RHOA: variants seen among roughly 807,000 people sequenced by gnomAD.
The protein encoded by RHOA is ras homolog family member A.
RHOA carries 3 observed loss-of-function variants against 17.5 expected under a neutral mutation model. The ratio of observed to expected loss-of-function variants is 0.17; its 90% confidence interval spans 0.08 to 0.44. RHOA has a LOEUF of 0.44. Ranked by LOEUF, RHOA falls within the 20% of genes least tolerant of loss-of-function variation. The pLI is 0.99. For synonymous variants in RHOA, 98 were observed against 88.4 expected (o/e 1.11, Z -0.61); for missense variants, 56 against 242.3 (o/e 0.23, Z 5.10).
chr3:49,372,681 C>T (rs1407236046), intron 2 of RHOA, among the ~76,000 whole-genome samples: 1 of 132,820 alleles, frequency 7.5e-6, no homozygotes, highest in African/African-American at 2.9e-5. Context: ...TTGCAGTTAG[C>T]AGAGATCACG....
At chr3:49,389,408 G>C (rs573597360) in intron 1 of RHOA, among the ~76,000 whole-genome samples, 13 of 152,220 alleles carry the variant, frequency 8.5e-5, no homozygotes, top group Admixed American at 6.6e-4. Context: ...CTTAGTTTGG[G>C]GTTCAGCAGC....
chr3:49,400,289 A>G (rs2107898805), intron 1 of RHOA, among the ~76,000 whole-genome samples: 1 of 151,162 alleles, frequency 6.6e-6, no homozygotes, highest in Non-Finnish European at 1.5e-5. Context: ...CCCTAGTCTA[A>G]CCAAAACTGG....
rs56262356 is a variant in RHOA, at chr3:49,387,117, CAAAAAAAAAAAAAAAAAAAAAAAAAAA to C, written c.-2-11553_-2-11527del. ...GGGCAACAAGAGAGAAACTCCGTCT[CAAAAAAAAAAAAAAAAAAAAAAAAAAA>C]AAAAAAAAAAAAAAAACAGGCCGGG... On this transcript the variant is annotated intron_variant, in intron 1 of 4. Coordinates refer to ENST00000418115, the MANE Select transcript of RHOA (RefSeq NM_001664.4). Among the ~76,000 whole-genome samples the C allele has an allele frequency of 5.7e-4, 14 of 24,642 alleles. No homozygotes were observed. In the South Asian group the frequency reaches 0.015, roughly 27 times the overall value. 16.2% of individuals were successfully genotyped at this position (24,642 alleles called of 152,430 possible).
intron 1 of RHOA, among the ~76,000 whole-genome samples, chr3:49,385,640 G>C (rs1050862349): frequency 3.3e-5 from 5 of 151,564 alleles, no homozygotes; most frequent in Non-Finnish European, 5.9e-5. Flanking sequence ...CTGATGGTTT[G>C]GTGGCATATC....
At chr3:49,405,930 C>A (rs530389830) in intron 1 of RHOA, among the ~76,000 whole-genome samples, 1 of 152,134 alleles carries the variant, frequency 6.6e-6, no homozygotes, top group East Asian at 1.9e-4. Flanking sequence ...GGTGACCCAC[C>A]CACCTCGGCC....
intron 1 of RHOA, among the ~76,000 whole-genome samples, chr3:49,381,736 G>A (rs1367916709): frequency 2.7e-5 from 4 of 150,768 alleles, no homozygotes; most frequent in African/African-American, 7.3e-5. Flanking sequence ...ATGGTGGTCC[G>A]CACCTGTAAT....
intron 3 of RHOA, among the ~76,000 whole-genome samples, chr3:49,364,989 A>G (rs2048031492): frequency 6.6e-6 from 1 of 152,124 alleles, no homozygotes. Flanking sequence ...AAAAATAAAA[A>G]TAAATAAAAC....
intron 1 of RHOA, among the ~76,000 whole-genome samples, chr3:49,399,070 A>AAAAAAAC: frequency 7.4e-6 from 1 of 136,006 alleles, no homozygotes; most frequent in Non-Finnish European, 1.6e-5. Context: ...AAAAAAAAAA[A>AAAAAAAC]AAAAAAAAAA....
Position 49,368,420 on chromosome 3 carries a change from C to A in RHOA, c.277+8G>T, listed in dbSNP as rs1484607949. 6.2e-7 allele frequency: 1 copy of A among 1,612,696 alleles called. No individual in the cohort carries two copies. Among genetic ancestry groups the A allele is most frequent in the Non-Finnish European group, 8.5e-7 (1 of 1,179,028 alleles). ...CAGTGACAAATATCAGGGTGCAGGG[C>A]CACTCACCTAAACTATCAGGGCTGT... On this transcript the variant is annotated splice_region_variant and intron_variant, in intron 3 of 4. Transcript: ENST00000418115.
At chr3:49,365,340 TCAC>T (rs1242659506) in intron 3 of RHOA, 1 of 151,828 alleles carries the variant, frequency 6.6e-6, no homozygotes, top group East Asian at 2.0e-4. Flanking sequence ...AGACAGGGAT[TCAC>T]CATGTTGGAC....
At chr3:49,401,811 C>G (rs145924480) in intron 1 of RHOA, among the ~76,000 whole-genome samples, 51 of 152,236 alleles carry the variant, frequency 3.4e-4, no homozygotes, top group African/African-American at 1.0e-3. Context: ...TATCCCAAAT[C>G]CAAAAATTGA....
chr3:49,384,283 A>T (rs1438502966), intron 1 of RHOA, among the ~76,000 whole-genome samples: 5 of 152,154 alleles, frequency 3.3e-5, no homozygotes, highest in African/African-American at 1.2e-4. Context: ...ATTTTGCAGA[A>T]TTATCTCTCC....
chr3:49,399,074 A>AAAAAAAAAAAAAAC (rs2048673364), intron 1 of RHOA, among the ~76,000 whole-genome samples: 1 of 138,852 alleles, frequency 7.2e-6, no homozygotes, highest in Non-Finnish European at 1.6e-5. Flanking sequence ...AAAAAAAAAA[A>AAAAAAAAAAAAAAC]AAAAAAAAAA....
intron 1 of RHOA, among the ~76,000 whole-genome samples, chr3:49,380,974 T>C (rs767223646): frequency 6.6e-6 from 1 of 151,452 alleles, no homozygotes; most frequent in Non-Finnish European, 1.5e-5. Flanking sequence ...TAGAATTTTA[T>C]CCAAATCTAC....
At position 49,393,039 on chromosome 3, in the gene RHOA, T is replaced by C. The variant is rs537630657; in HGVS notation, c.-2-17448A>G. On this transcript the variant is annotated intron_variant, in intron 1 of 4. Transcript: ENST00000418115. Reference sequence around the variant, plus strand: ...TAAAAATACAAAAATTACCCAGGCATGGTGAGCGTGCCTGTAATCCCAGCT... The same window carrying C: ...TAAAAATACAAAAATTACCCAGGCACGGTGAGCGTGCCTGTAATCCCAGCT... Among the ~76,000 whole-genome samples the C allele has an allele frequency of 1.6e-4, 25 of 152,024 alleles. 1 individual carries two copies. The South Asian group carries it at 5.0e-3, about 30-fold the overall frequency.
In RHOA at chr3:49,402,894, G is replaced by A. The variant is rs574298101; in HGVS notation, c.-3+8926C>T. On this transcript the variant is annotated intron_variant, in intron 1 of 4. Coordinates refer to ENST00000418115, the MANE Select transcript of RHOA (RefSeq NM_001664.4). ...CCACTAAAAACACAAAAAATTAGCC[G>A]GGCGTGGTGGCGGGTGCCTGTAGTT... 4.2e-4 allele frequency among the ~76,000 whole-genome samples: 64 copies of A among 152,006 alleles called. No individual in the cohort carries two copies. In the South Asian group the frequency reaches 6.4e-3, roughly 15 times the overall value.
intron 1 of RHOA, among the ~76,000 whole-genome samples, chr3:49,390,681 C>CTA (rs1486520214): frequency 6.6e-6 from 1 of 152,156 alleles, no homozygotes; most frequent in African/African-American, 2.4e-5. Context: ...GTGGCTTAAT[C>CTA]CTCTGTCTAA....
In RHOA at chr3:49,364,255, C is replaced by T. The variant is rs183883284; in HGVS notation, c.278-1629G>A. Among the ~76,000 whole-genome samples the T allele has an allele frequency of 1.8e-3, 267 of 152,108 alleles. 1 individual carries two copies. Among genetic ancestry groups the T allele is most frequent in the African/African-American group, 6.2e-3 (256 of 41,526 alleles). On this transcript the variant is annotated intron_variant, in intron 3 of 4. Coordinates refer to ENST00000418115, the MANE Select transcript of RHOA (RefSeq NM_001664.4). ...AATCCCAGCACTGTGAAGGCCGGGG[C>T]GGGTGGATCACCTCAGGTCGGGAGT...
At chr3:49,391,389 CA>C (rs71627384) in intron 1 of RHOA, among the ~76,000 whole-genome samples, 39,284 of 122,984 alleles carry the variant, frequency 0.32, 5,514 homozygotes, top group Non-Finnish European at 0.34. Flanking sequence ...GAGAATCCGT[CA>C]AAAAAAAAAA....
Sources: allele counts gnomAD v4.1 joint callset (sites outside exome capture counted in the v4.1 genomes callset), GRCh38; gene constraint gnomAD v4.1.1; transcripts MANE v1.5; gene names NCBI Gene and HGNC (gene_info 2026-07-23, HGNC 2026-07-21).